MRM1: variants seen among roughly 807,000 people sequenced by gnomAD.
The protein encoded by MRM1 is mitochondrial rRNA methyltransferase 1.
MRM1 carries 24 observed loss-of-function variants against 25.0 expected under a neutral mutation model. That is an observed-to-expected ratio of 0.96 (90% confidence interval 0.69 to 1.35). MRM1 has a LOEUF of 1.35. Among genes scored for constraint, MRM1 ranks in the 40% most tolerant of loss-of-function variants. The pLI, the probability that MRM1 is intolerant of heterozygous loss-of-function variation, is 0.00. For missense variants in MRM1, 431 were observed against 464.1 expected (o/e 0.93, Z 0.65); for synonymous variants, 188 against 199.2 (o/e 0.94, Z 0.47).
the MRM1 span, among the ~76,000 whole-genome samples, chr17:36,621,576 A>G: frequency 7.2e-5 from 11 of 151,932 alleles, no homozygotes; most frequent in African/African-American, 2.4e-4. Flanking sequence ...CCCCACAACC[A>G]CCAGCCCAGC....
the MRM1 span, among the ~76,000 whole-genome samples, chr17:36,622,443 G>A: frequency 3.3e-5 from 5 of 151,904 alleles, no homozygotes; most frequent in South Asian, 2.1e-4. Context: ...ATGGTGGTGC[G>A]CACCTGTAAT....
Position 36,608,546 on chromosome 17 carries a change from G to A in MRM1, c.*131G>A, listed in dbSNP as rs556144572. On this transcript the variant is annotated 3_prime_UTR_variant, in exon 5 of 5. Transcript: ENST00000614766. ...TGTTTATTGACCACAGTCTGGGGGGGGGGGAAGGGGACTGCGGTGGACACC... is the reference window on the plus strand; with the variant it reads ...TGTTTATTGACCACAGTCTGGGGGGAGGGGAAGGGGACTGCGGTGGACACC... The A allele has an allele frequency of 7.7e-6, 4 of 518,064 alleles. No individual in the cohort carries two copies. The highest frequency in any genetic ancestry group is 1.3e-5 in the Non-Finnish European group (4 of 317,446). 32.1% of individuals were successfully genotyped at this position (518,064 alleles called of 1,614,324 possible).
chr17:36,617,217 C>T, the MRM1 span, among the ~76,000 whole-genome samples: 1 of 152,134 alleles, frequency 6.6e-6, no homozygotes, highest in Non-Finnish European at 1.5e-5. Flanking sequence ...CAAATCCTGG[C>T]TCTGCTCCCA....
the MRM1 span, among the ~76,000 whole-genome samples, chr17:36,618,103 C>T: frequency 6.6e-6 from 1 of 152,134 alleles, no homozygotes; most frequent in Non-Finnish European, 1.5e-5. Flanking sequence ...GTTCTCCCCC[C>T]ACACTTGAGG....
Position 36,602,546 on chromosome 17 carries a change from C to G in MRM1, c.543-7C>G, listed in dbSNP as rs2074887548. On this transcript the variant is annotated splice_polypyrimidine_tract_variant and splice_region_variant and intron_variant, in intron 1 of 4. Transcript: ENST00000614766. This position sits in a 1 kb window ranked among gnomAD's most constrained non-coding sequence, Gnocchi z 4.1. ...AGCCTAATGCGGGGAACGGGGAAAC[C>G]TTGCAGCTGCCCGCTCACTCCAGTA... 2 of 1,614,174 alleles carry G rather than the reference C, an allele frequency of 1.2e-6. No individual in the cohort carries two copies. The highest frequency in any genetic ancestry group is 1.3e-5 in the African/African-American group (1 of 75,046).
chr17:36,634,050 G>C, the MRM1 span: 1 of 152,174 alleles, frequency 6.6e-6, no homozygotes, highest in African/African-American at 2.4e-5. Context: ...CCCTAGGGTG[G>C]GTGGGGAGCC....
the MRM1 span, among the ~76,000 whole-genome samples, chr17:36,630,726 G>A: frequency 5.9e-5 from 9 of 152,160 alleles, no homozygotes; most frequent in African/African-American, 1.9e-4. Context: ...GAGAGGTCTC[G>A]AATGGTTCGC....
At position 36,605,542 on chromosome 17, in the gene MRM1, C is replaced by T. The variant is rs148938676; in HGVS notation, c.637-2128C>T. ...CTAGTCTCATGGCTTTAAATACTAT[C>T]TGAATTCAAATTCCCGCCCAAGTGT... is the stretch of plus-strand genomic sequence containing the variant. On this transcript the variant is annotated intron_variant, in intron 2 of 4. Transcript: ENST00000614766. Among the ~76,000 whole-genome samples, 471 of 151,264 alleles carry T rather than the reference C, an allele frequency of 3.1e-3. 3 individuals carry two copies. The highest frequency in any genetic ancestry group is 0.028 in the South Asian group (135 of 4,762).
At chr17:36,614,497 G>A in the MRM1 span, among the ~76,000 whole-genome samples, 2 of 152,146 alleles carry the variant, frequency 1.3e-5, no homozygotes, top group African/African-American at 2.4e-5. Flanking sequence ...ACCTGGAGCG[G>A]ATCCTTCCTT....
chr17:36,602,558 C>A lies in MRM1; in HGVS notation c.548C>A (p.Pro183Gln). 1 of 1,614,138 alleles carries A rather than the reference C, an allele frequency of 6.2e-7. No individual in the cohort carries two copies. Among genetic ancestry groups the A allele is most frequent in the Admixed American group, 1.7e-5 (1 of 60,024 alleles). ...GGAACGGGGAAACCTTGCAGCTGCC[C>A]GCTCACTCCAGTAGTCAGCAAGTCC... The part of the protein sequence containing the change: ...KVITSRRNSC[P>Q]LTPVVSKSSA... Residue 183 changes from proline to glutamine, a missense_variant, in exon 2 of 5, where the codon CCG (proline) becomes CAG (glutamine). Physicochemically the swap from Pro to Gln is moderately conservative, Grantham distance 76 (BLOSUM62 -1). Coordinates refer to ENST00000614766, the MANE Select transcript of MRM1 (RefSeq NM_024864.5). The surrounding 1 kb of genome is among the most constrained non-coding windows in gnomAD (Gnocchi z 4.1).
the MRM1 span, among the ~76,000 whole-genome samples, chr17:36,615,798 C>T: frequency 1.3e-5 from 2 of 152,020 alleles, no homozygotes; most frequent in Non-Finnish European, 2.9e-5. Context: ...AAGTTCAAGA[C>T]CAGCCTGGTC....
At chr17:36,615,991 AAACAACAAC>A in the MRM1 span, among the ~76,000 whole-genome samples, 29 of 150,962 alleles carry the variant, frequency 1.9e-4, no homozygotes, top group African/African-American at 2.7e-4. Context: ...AGACTGTCTC[AAACAACAAC>A]AACAACAACA....
rs1178810421 is a variant in MRM1 at position 36,601,595 on chromosome 17, G to T, written c.-216G>T. ...GGGGCGGGCTCCCGAACCCGGAAGC[G>T]AGGGACCCACGTGGGAGCCTGGGAG... is the stretch of plus-strand genomic sequence containing the variant. On this transcript the variant is annotated 5_prime_UTR_variant, in exon 1 of 5. Coordinates refer to ENST00000614766, the MANE Select transcript of MRM1 (RefSeq NM_024864.5). 7 of 466,810 alleles carry T rather than the reference G, an allele frequency of 1.5e-5. No individual in the cohort carries two copies. Among genetic ancestry groups the T allele is most frequent in the African/African-American group, 4.0e-5 (2 of 50,126 alleles). The allele number at this position is 466,810 out of a possible 1,614,324, so 28.9% of individuals were successfully genotyped here.
Position 36,602,255 on chromosome 17 carries a change from G to T in MRM1, c.445G>T (p.Val149Phe). 1 of 1,590,482 alleles carries T rather than the reference G, an allele frequency of 6.3e-7. No individual in the cohort carries two copies. The highest frequency in any genetic ancestry group is 8.5e-7 in the Non-Finnish European group (1 of 1,170,640). ...PGDDPQQLWL[V>F]LDGIQDPRNF... ...CGACGACCCCCAGCAGTTGTGGCTC[G>T]TCCTCGATGGGATCCAGGATCCCCG... The change falls in exon 1 of 5, where the codon GTC (valine) becomes TTC (phenylalanine). Residue 149 changes from valine to phenylalanine, a missense_variant. Physicochemically the swap from Val to Phe is conservative, Grantham distance 50 (BLOSUM62 -1). Coordinates refer to ENST00000614766, the MANE Select transcript of MRM1 (RefSeq NM_024864.5). This position sits in a 1 kb window ranked among gnomAD's most constrained non-coding sequence, Gnocchi z 4.1.
At chr17:36,609,966 C>T (rs950648033), downstream of MRM1, among the ~76,000 whole-genome samples, 2 of 152,218 alleles carry the variant, frequency 1.3e-5, no homozygotes, top group African/African-American at 2.4e-5. Context: ...CACTCTGTCG[C>T]TCAGGCTGGA....
the MRM1 span, among the ~76,000 whole-genome samples, chr17:36,623,142 G>A: frequency 1.3e-5 from 2 of 152,202 alleles, no homozygotes; most frequent in Non-Finnish European, 2.9e-5. Flanking sequence ...GTTCATGGCT[G>A]TGCATGTGTG....
At chr17:36,610,625 C>G (rs953810609), downstream of MRM1, among the ~76,000 whole-genome samples, 2 of 152,150 alleles carry the variant, frequency 1.3e-5, no homozygotes, top group African/African-American at 2.4e-5. Flanking sequence ...CCCTTGAGCT[C>G]CCTGTCCCTG....
intron 2 of MRM1, chr17:36,603,063 CA>C (rs1437668190): frequency 1.0e-6 from 1 of 985,300 alleles, no homozygotes; most frequent in Non-Finnish European, 1.2e-6. Flanking sequence ...TAGCAAGAGA[CA>C]AACCTTGGAA....
Position 36,607,902 on chromosome 17 carries a change from A to G in MRM1, c.773A>G (p.Asn258Ser), listed in dbSNP as rs2074945267. 6.2e-7 allele frequency: 1 copy of G among 1,613,706 alleles called. No individual in the cohort carries two copies. The highest frequency in any genetic ancestry group is 8.5e-7 in the Non-Finnish European group (1 of 1,179,830). ...WERPTLLVLG[N>S]EGSGLSQEVQ... ...CCCTCAGCCCCACGCCCTGCAGGGA[A>G]TGAGGGCTCAGGTCTATCCCAGGAG... The change falls in exon 4 of 5, where the codon AAT becomes AGT. Residue 258 changes from asparagine (N) to serine (S), a missense_variant. Physicochemically the swap from Asn to Ser is conservative, Grantham distance 46. Coordinates refer to ENST00000614766, the MANE Select transcript of MRM1 (RefSeq NM_024864.5).
Sources: allele counts gnomAD v4.1 joint callset (sites outside exome capture counted in the v4.1 genomes callset), GRCh38; gene constraint gnomAD v4.1.1; non-coding constraint Gnocchi (gnomAD v3.1); transcripts MANE v1.5; gene names NCBI Gene and HGNC (gene_info 2026-07-23, HGNC 2026-07-21).